SF3A1: variants seen among roughly 807,000 people sequenced by gnomAD.
SF3A1 encodes the protein splicing factor 3a subunit 1.
Under a neutral mutation model 89.9 loss-of-function variants are expected in SF3A1, and 13 were observed. The ratio of observed to expected loss-of-function variants is 0.14; its 90% CI spans 0.09 to 0.23. SF3A1 has a LOEUF of 0.23. SF3A1 is among the 10% of genes least tolerant of loss of function. SF3A1 has a pLI of 1.00. For synonymous variants in SF3A1, 405 were observed against 374.4 expected (o/e 1.08, Z -0.94); for missense variants, 604 against 1,022.1 (o/e 0.59, Z 5.58).
intron 2 of SF3A1, among the ~76,000 whole-genome samples, chr22:30,349,795 C>T (rs928230853): frequency 7.2e-5 from 11 of 151,910 alleles, no homozygotes; most frequent in African/African-American, 2.2e-4. Flanking sequence ...AGATATGCGC[C>T]ACCATGCCCA....
intron 2 of SF3A1, among the ~76,000 whole-genome samples, chr22:30,348,661 T>C (rs1931493096): frequency 6.6e-6 from 1 of 152,144 alleles, no homozygotes; most frequent in Non-Finnish European, 1.5e-5. Context: ...AGGTCTCAAT[T>C]TGACAGTATA....
Position 30,340,733 on chromosome 22 carries a change from G to A in SF3A1, c.1151C>T (p.Pro384Leu). The change falls in exon 8 of 16, where the codon CCA becomes CTA. Residue 384 changes from proline (P) to leucine (L), a missense_variant. Pro to Leu is a moderately conservative substitution (Grantham distance 98). Around this residue, in one of 9 missense-constraint regions of SF3A1, gnomAD observed 146 missense variants for 228.5 expected, o/e 0.64. Transcript: ENST00000215793. ...ATCCTTGCGGACAATGACTTGGTCT[G>A]GAGTTGGGGGCAGAGGTGGAGGCAT... ...TPMPPPLPPT[P>L]DQVIVRKDYD... The A allele has an allele frequency of 4.4e-6, 7 of 1,608,330 alleles. No individual in the cohort carries two copies. Among genetic ancestry groups the A allele is most frequent in the Non-Finnish European group, 6.0e-6 (7 of 1,176,450 alleles).
intron 2 of SF3A1, among the ~76,000 whole-genome samples, chr22:30,347,339 C>T (rs539065976): frequency 7.6e-4 from 115 of 152,200 alleles, no homozygotes; most frequent in African/African-American, 2.5e-3. Context: ...GTTGGTTTAA[C>T]GCCTTGTCCA....
intron 15 of SF3A1, 146 bp downstream of exon 15, chr22:30,335,321 G>T: frequency 2.7e-6 from 2 of 731,292 alleles, no homozygotes; most frequent in Non-Finnish European, 4.8e-6. Context: ...AACACTCCCA[G>T]CCAGCATCAT....
chr22:30,344,532 G>A lies in SF3A1; in HGVS notation c.651+401C>T, dbSNP rs115388784. On this transcript the variant is annotated intron_variant, in intron 4 of 15. Coordinates refer to ENST00000215793, the MANE Select transcript of SF3A1 (RefSeq NM_005877.6). Reference sequence around the variant, plus strand: ...AGCCTGTTTCTGCTTCTCAAACATGGGGGGAAAACACCTCATGGCTTCTTG... The same window carrying A: ...AGCCTGTTTCTGCTTCTCAAACATGAGGGGAAAACACCTCATGGCTTCTTG... Among the ~76,000 whole-genome samples the A allele has an allele frequency of 1.4e-3, 215 of 152,234 alleles. 1 individual carries two copies. The highest frequency in any genetic ancestry group is 4.4e-3 in the Admixed American group (68 of 15,296).
chr22:30,337,558 A>T, intron 12 of SF3A1, 132 bp downstream of exon 12: 1 of 703,182 alleles, frequency 1.4e-6, no homozygotes, highest in Non-Finnish European at 2.6e-6. Context: ...TTCAATGGGA[A>T]GCCAGGGCTC....
At chr22:30,342,104 G>T in intron 6 of SF3A1, 96 bp downstream of exon 6, 1 of 1,436,720 alleles carries the variant, frequency 7.0e-7, no homozygotes, top group Non-Finnish European at 9.8e-7. Context: ...AAAGCCCTCT[G>T]AGAGATTCTA....
At chr22:30,348,269 A>G (rs780317651) in intron 2 of SF3A1, among the ~76,000 whole-genome samples, 4 of 152,114 alleles carry the variant, frequency 2.6e-5, no homozygotes, top group Non-Finnish European at 5.9e-5. Context: ...CCCCAAACAC[A>G]CCAAGGCATG....
intron 2 of SF3A1, among the ~76,000 whole-genome samples, chr22:30,351,075 G>A (rs11913885): frequency 0.2 from 30,601 of 152,192 alleles, 3,337 homozygotes; most frequent in Middle Eastern, 0.35. Context: ...CCCAGGTCGG[G>A]GGATCATTAA....
intron 12 of SF3A1, among the ~76,000 whole-genome samples, chr22:30,337,477 C>T (rs1931106274): frequency 6.6e-6 from 1 of 152,208 alleles, no homozygotes; most frequent in African/African-American, 2.4e-5. Flanking sequence ...AATGCACAGA[C>T]ACTGGCTACA....
intron 2 of SF3A1, among the ~76,000 whole-genome samples, chr22:30,351,835 G>A (rs1931604039): frequency 6.6e-6 from 1 of 152,108 alleles, no homozygotes; most frequent in African/African-American, 2.4e-5. Context: ...TTTGAGTTTC[G>A]AAAAAATTAC....
chr22:30,352,143 G>A (rs1312769768), intron 2 of SF3A1, among the ~76,000 whole-genome samples: 1 of 150,252 alleles, frequency 6.7e-6, no homozygotes, highest in Non-Finnish European at 1.5e-5. Context: ...ACTGTAGGAA[G>A]AGAGAGGATC....
chr22:30,345,495 G>A (rs1258992018), intron 3 of SF3A1, among the ~76,000 whole-genome samples: 1 of 152,142 alleles, frequency 6.6e-6, no homozygotes, highest in Non-Finnish European at 1.5e-5. Context: ...AACAAGAATA[G>A]GACTTATTAA....
intron 1 of SF3A1, among the ~76,000 whole-genome samples, chr22:30,356,483 G>C (rs1451182025): frequency 2.0e-5 from 3 of 152,260 alleles, no homozygotes; most frequent in Admixed American, 2.0e-4. Flanking sequence ...ATCTACGGCG[G>C]AGACTCCACA....
At chr22:30,345,257 AGGGG>A in intron 3 of SF3A1, 67 bp from the exon 4 acceptor site, 1 of 1,453,140 alleles carries the variant, frequency 6.9e-7, no homozygotes, top group Non-Finnish European at 9.5e-7. Context: ...AGGGGAGGGG[AGGGG>A]ACATGGGCAT....
intron 14 of SF3A1, 41 bp from the exon 15 acceptor site, chr22:30,335,579 C>A: frequency 6.2e-7 from 1 of 1,612,654 alleles, no homozygotes; most frequent in South Asian, 1.1e-5. Flanking sequence ...CTTGGTAAGG[C>A]CAGCTAGAGG....
intron 2 of SF3A1, among the ~76,000 whole-genome samples, chr22:30,347,018 G>A (rs945845106): frequency 2.6e-5 from 4 of 152,120 alleles, no homozygotes; most frequent in South Asian, 2.1e-4. Context: ...AGGTGTAAAA[G>A]GTACATGAGC....
At chr22:30,337,473 C>T (rs779041515) in intron 12 of SF3A1, among the ~76,000 whole-genome samples, 9 of 152,172 alleles carry the variant, frequency 5.9e-5, no homozygotes, top group Non-Finnish European at 1.3e-4. Context: ...CCTGAATGCA[C>T]AGACACTGGC....
At chr22:30,356,382 T>G (rs1931842716) in intron 1 of SF3A1, among the ~76,000 whole-genome samples, 1 of 152,228 alleles carries the variant, frequency 6.6e-6, no homozygotes, top group African/African-American at 2.4e-5. Flanking sequence ...AACTGCTACA[T>G]AAGATCAGAG....
Sources: gnomAD v4.1 joint callset for allele counts (sites outside exome capture counted in the v4.1 genomes callset) on GRCh38, gnomAD v4.1.1 for gene constraint, gnomAD v4.1.1 regional missense constraint, MANE v1.5 for transcripts, NCBI Gene and HGNC (gene_info 2026-07-23, HGNC 2026-07-21) for gene names.